The following SH3YL1 variants were observed in gnomAD, a reference collection of about 807,000 sequenced individuals.
The protein encoded by SH3YL1 is SH3 domain-containing YSC84-like protein 1.
Under a neutral mutation model 45.8 loss-of-function variants are expected in SH3YL1, and 41 were observed. That is an observed-to-expected ratio of 0.89 (90% confidence interval 0.70 to 1.16). The LOEUF (loss-of-function observed/expected upper bound fraction) is 1.16, where lower values mean the gene tolerates loss of function less well. Ranked by LOEUF, SH3YL1 falls within the 50% of genes most tolerant of loss-of-function variation. The pLI is 0.00. For missense variants in SH3YL1, 389 were observed against 409.6 expected (o/e 0.95, Z 0.43); for synonymous variants, 152 against 151.4 (o/e 1.00, Z -0.03).
At chr2:262,794 G>C in intron 1 of SH3YL1, 1 of 962,910 alleles carries the variant, frequency 1.0e-6, no homozygotes, top group South Asian at 1.8e-5. Context: ...TTCCTAAACA[G>C]AACAAAAGTA....
intron 6 of SH3YL1, among the ~76,000 whole-genome samples, chr2:232,159 T>C (rs1428106866): frequency 1.3e-5 from 2 of 152,212 alleles, no homozygotes; most frequent in Non-Finnish European, 2.9e-5. Flanking sequence ...AGCCACTTAA[T>C]TTGCATCTTT....
At chr2:253,560 A>G (rs1669173326) in intron 1 of SH3YL1, among the ~76,000 whole-genome samples, 1 of 152,200 alleles carries the variant, frequency 6.6e-6, no homozygotes, top group Non-Finnish European at 1.5e-5. Context: ...TCTAAAAAGG[A>G]GAGGACCTCT....
intron 9 of SH3YL1, among the ~76,000 whole-genome samples, chr2:222,110 G>A (rs1667605646): frequency 6.6e-6 from 1 of 152,164 alleles, no homozygotes; most frequent in South Asian, 2.1e-4. Flanking sequence ...CACAGCATAT[G>A]CCTTTCAGCC....
chr2:243,462 G>GA, intron 4 of SH3YL1: 7 of 1,476,878 alleles, frequency 4.7e-6, no homozygotes, highest in Non-Finnish European at 6.3e-6. Flanking sequence ...TGAGAAATTA[G>GA]ATAATATTTT....
chr2:230,859 A>G, intron 7 of SH3YL1, 164 bp downstream of exon 7: 1 of 666,312 alleles, frequency 1.5e-6, no homozygotes, highest in Non-Finnish European at 2.6e-6. Context: ...TGAAATCTGT[A>G]CAGAGGAAAT....
intron 9 of SH3YL1, among the ~76,000 whole-genome samples, chr2:219,507 G>A (rs1208304396): frequency 6.6e-6 from 1 of 152,140 alleles, no homozygotes; most frequent in Non-Finnish European, 1.5e-5. Flanking sequence ...GGCAGAAACC[G>A]AGACCTTGCC....
intron 8 of SH3YL1, among the ~76,000 whole-genome samples, chr2:227,607 G>A (rs554181866): frequency 5.3e-5 from 8 of 152,120 alleles, no homozygotes; most frequent in Non-Finnish European, 8.8e-5. Context: ...AGTAAAGCAC[G>A]TATAAGATGA....
chr2:246,200 AAAAAAAGAG>A (rs1324663862), intron 4 of SH3YL1, among the ~76,000 whole-genome samples: 8 of 152,008 alleles, frequency 5.3e-5, no homozygotes, highest in Non-Finnish European at 1.0e-4. Context: ...CATCTCAAAA[AAAAAAAGAG>A]AAAAAAGAAA....
intron 4 of SH3YL1, chr2:242,266 A>G (rs2103038131): frequency 6.6e-6 from 1 of 152,196 alleles, no homozygotes; most frequent in African/African-American, 2.4e-5. Context: ...CTTGCTCTCA[A>G]TTATTCTCTG....
At chr2:223,299 G>A (rs1468503328) in intron 9 of SH3YL1, among the ~76,000 whole-genome samples, 1 of 152,156 alleles carries the variant, frequency 6.6e-6, no homozygotes, top group Non-Finnish European at 1.5e-5. Flanking sequence ...GTTTCTAATA[G>A]AGAAAGGAAC....
At chr2:249,479 T>G (rs1668978908) in intron 3 of SH3YL1, among the ~76,000 whole-genome samples, 1 of 152,170 alleles carries the variant, frequency 6.6e-6, no homozygotes, top group Non-Finnish European at 1.5e-5. Context: ...AATTACAAAA[T>G]GCATGCAAAA....
chr2:235,306 T>C (rs1241170605), intron 4 of SH3YL1, among the ~76,000 whole-genome samples: 6 of 152,118 alleles, frequency 3.9e-5, no homozygotes, highest in Non-Finnish European at 8.8e-5. Context: ...AAGTTAGAAC[T>C]GAAAAATAAT....
At chr2:262,461 C>T (rs1054905439) in intron 1 of SH3YL1, 1 of 570,530 alleles carries the variant, frequency 1.8e-6, no homozygotes, top group African/African-American at 2.0e-5. Context: ...CCTGCCCTTC[C>T]TCTTCTCCAA....
intron 4 of SH3YL1, among the ~76,000 whole-genome samples, chr2:243,144 G>A (rs1668620958): frequency 6.6e-6 from 1 of 152,072 alleles, no homozygotes; most frequent in African/African-American, 2.4e-5. Context: ...TCAAGGATAT[G>A]GAACAACTAA....
chr2:264,244 C>G, upstream of SH3YL1: 1 of 461,582 alleles, frequency 2.2e-6, no homozygotes, highest in Non-Finnish European at 3.7e-6. Context: ...GCGGCGGCTC[C>G]AAGCACGGTG....
chr2:230,926 G>T (rs748541055), intron 7 of SH3YL1, 97 bp downstream of exon 7: 1 of 1,150,628 alleles, frequency 8.7e-7, no homozygotes, highest in African/African-American at 1.5e-5. Flanking sequence ...TACGAAGGAG[G>T]CTTAGTAGGT....
At chr2:257,182 GGTT>G (rs1669374112) in intron 1 of SH3YL1, among the ~76,000 whole-genome samples, 2 of 152,014 alleles carry the variant, frequency 1.3e-5, no homozygotes, top group Admixed American at 6.6e-5. Flanking sequence ...CTATTCTGTA[GGTT>G]GTTTTCTCTG....
chr2:218,890 T>A lies in SH3YL1; in HGVS notation c.950A>T (p.Asp317Val). Residue 317 changes from aspartate to valine, a missense_variant, in exon 10 of 10, where the codon GAT (aspartate) becomes GTT (valine). By Grantham distance (152) the Asp-to-Val change is radical. Transcript: ENST00000356150. The part of the protein sequence containing the change: ...GDRITVISKT[D>V]SHFDWWEGKL... ...TCCTTCCCACCAATCAAAATGTGAA[T>A]CTGTTTTTGATATAACTGTGATTCT... 6.2e-7 allele frequency: 1 copy of A among 1,614,076 alleles called. No individual in the cohort carries two copies. The highest frequency in any genetic ancestry group is 8.5e-7 in the Non-Finnish European group (1 of 1,179,982).
chr2:219,042 G>T, intron 9 of SH3YL1, 41 bp from the exon 10 acceptor site: 1 of 1,533,506 alleles, frequency 6.5e-7, no homozygotes. Context: ...GTTCTTTAAG[G>T]GAGAAATTGG....
Sources: gnomAD v4.1 joint callset for allele counts (sites outside exome capture counted in the v4.1 genomes callset) on GRCh38, gnomAD v4.1.1 for gene constraint, MANE v1.5 for transcripts, NCBI Gene and HGNC (gene_info 2026-07-23, HGNC 2026-07-21) for gene names.